The following RAD51B variants were observed in gnomAD, a reference collection of about 807,000 sequenced individuals.
RAD51B encodes RAD51 paralog B.
In RAD51B, 38 loss-of-function variants were observed where a neutral mutation model predicts 42.2. The observed-to-expected ratio is 0.90, with a 90% confidence interval of 0.70 to 1.18. The LOEUF is 1.18. RAD51B is among the 50% of genes most tolerant of loss of function. The pLI is 0.00. For missense variants in RAD51B, 373 were observed against 400.7 expected (o/e 0.93, Z 0.59); for synonymous variants, 154 against 145.2 (o/e 1.06, Z -0.43).
chr14:68,480,573 G>C (rs1189799550), downstream of RAD51B, among the ~76,000 whole-genome samples: 1 of 152,020 alleles, frequency 6.6e-6, no homozygotes, highest in Non-Finnish European at 1.5e-5. Context: ...ATCAAAGTCA[G>C]CTCTCCCAGA....
At chr14:67,963,313 A>C (rs997740243) in intron 7 of RAD51B, among the ~76,000 whole-genome samples, 1 of 152,130 alleles carries the variant, frequency 6.6e-6, no homozygotes, top group South Asian at 2.1e-4. Context: ...ATCTATGTGT[A>C]TATTCCAGTT....
intron 10 of RAD51B, among the ~76,000 whole-genome samples, chr14:68,593,970 G>T (rs758697564): frequency 6.6e-6 from 1 of 152,204 alleles, no homozygotes; most frequent in Non-Finnish European, 1.5e-5. Context: ...ACCCCTCAGC[G>T]GCTTGGGAAA....
intron 8 of RAD51B, among the ~76,000 whole-genome samples, chr14:68,356,433 TCAAA>T (rs1274502409): frequency 6.9e-5 from 3 of 43,222 alleles, no homozygotes; most frequent in African/African-American, 1.1e-4. Flanking sequence ...AGACTCCGTC[TCAAA>T]AAAAAAAAAA....
downstream of RAD51B, among the ~76,000 whole-genome samples, chr14:68,616,056 G>T (rs2140111992): frequency 6.6e-6 from 1 of 152,048 alleles, no homozygotes; most frequent in East Asian, 1.9e-4. Context: ...CTAGACCATT[G>T]ACTTTTAGCT....
intron 7 of RAD51B, among the ~76,000 whole-genome samples, chr14:68,275,794 C>CCACACACACACACACACA (rs10641411): frequency 7.8e-5 from 11 of 141,368 alleles, no homozygotes; most frequent in East Asian, 6.5e-4. Context: ...AACTAGCTCT[C>CCACACACACACACACACA]CACACACACA....
At chr14:68,188,431 C>T (rs2079200139) in intron 7 of RAD51B, among the ~76,000 whole-genome samples, 1 of 149,718 alleles carries the variant, frequency 6.7e-6, no homozygotes, top group Non-Finnish European at 1.5e-5. Flanking sequence ...TCTTTCTCCT[C>T]TTCTTTCTTC....
chr14:68,206,122 A>G (rs971936374), intron 7 of RAD51B, among the ~76,000 whole-genome samples: 25 of 152,164 alleles, frequency 1.6e-4, no homozygotes, highest in Non-Finnish European at 4.4e-5. Context: ...TAAAGAATTT[A>G]AGCCCCCCCT....
At chr14:67,846,921 T>A (rs2041636093) in intron 4 of RAD51B, among the ~76,000 whole-genome samples, 1 of 151,944 alleles carries the variant, frequency 6.6e-6, no homozygotes, top group South Asian at 2.1e-4. Flanking sequence ...CCCTACCACC[T>A]CTCTAAGCAC....
chr14:68,611,003 C>T, intron 10 of RAD51B: 1 of 702,694 alleles, frequency 1.4e-6, no homozygotes, highest in Non-Finnish European at 2.6e-6. Flanking sequence ...TCTCATTTCA[C>T]AGTTGTTAGA....
At chr14:68,679,031 G>C (rs1326037190) in intron 11 of RAD51B, among the ~76,000 whole-genome samples, 2 of 151,918 alleles carry the variant, frequency 1.3e-5, no homozygotes, top group East Asian at 1.9e-4. Flanking sequence ...CTGGCCTAAG[G>C]CCATGCAGAG....
chr14:68,181,563 G>A (rs1335378539), intron 7 of RAD51B, among the ~76,000 whole-genome samples: 1 of 152,180 alleles, frequency 6.6e-6, no homozygotes, highest in Non-Finnish European at 1.5e-5. Flanking sequence ...TTCCTTCTCA[G>A]CCTGCCCCCT....
intron 7 of RAD51B, among the ~76,000 whole-genome samples, chr14:68,235,497 G>A (rs1595585185): frequency 2.6e-5 from 4 of 151,720 alleles, no homozygotes; most frequent in African/African-American, 9.7e-5. Flanking sequence ...GAGGTCAGGA[G>A]ATCGAGACCA....
At chr14:68,356,192 G>A (rs2082893809) in intron 8 of RAD51B, among the ~76,000 whole-genome samples, 2 of 152,136 alleles carry the variant, frequency 1.3e-5, no homozygotes, top group Admixed American at 6.5e-5. Context: ...CAGCACTTTG[G>A]GAGGCCGAGG....
chr14:68,284,771 A>T (rs1481671036), intron 7 of RAD51B, among the ~76,000 whole-genome samples: 4 of 150,628 alleles, frequency 2.7e-5, no homozygotes, highest in African/African-American at 9.8e-5. Flanking sequence ...TTTTTTTTTT[A>T]ATCGTGGAAT....
At chr14:68,054,796 GC>G (rs1451410317) in intron 7 of RAD51B, among the ~76,000 whole-genome samples, 1 of 152,174 alleles carries the variant, frequency 6.6e-6, no homozygotes, top group Non-Finnish European at 1.5e-5. Flanking sequence ...GGAAGCATAG[GC>G]AAGACAACCT....
At chr14:68,667,124 G>C (rs949893990) in intron 11 of RAD51B, among the ~76,000 whole-genome samples, 2 of 152,248 alleles carry the variant, frequency 1.3e-5, no homozygotes, top group African/African-American at 4.8e-5. Flanking sequence ...AGACGAGATG[G>C]AGAGAGATGG....
intron 10 of RAD51B, among the ~76,000 whole-genome samples, chr14:68,533,727 A>G (rs76242748): frequency 6.6e-6 from 1 of 151,746 alleles, no homozygotes; most frequent in Non-Finnish European, 1.5e-5. Flanking sequence ...TTTACTATGG[A>G]AAAAAAAATG....
Position 68,565,612 on chromosome 14 carries a change from C to T in RAD51B, c.1037-28873C>T, listed in dbSNP as rs1889382331. Among the ~76,000 whole-genome samples the T allele has an allele frequency of 6.6e-6, 1 of 152,170 alleles. No homozygotes were observed. Among genetic ancestry groups the T allele is most frequent in the Non-Finnish European group, 1.5e-5 (1 of 68,036 alleles). ...AAGAAGTATAGCCAGATTTCAATACCAGGGAGAGCAGGCAGAGAAAGAGAG... is the reference window on the plus strand; with the variant it reads ...AAGAAGTATAGCCAGATTTCAATACTAGGGAGAGCAGGCAGAGAAAGAGAG... On this transcript the variant is annotated intron_variant, in intron 10 of 10. Coordinates refer to the RAD51B transcript ENST00000487270. The surrounding 1 kb of genome is among the most constrained non-coding windows in gnomAD (Gnocchi z 4.1).
At chr14:68,181,381 C>G (rs1016382249) in intron 7 of RAD51B, among the ~76,000 whole-genome samples, 1 of 152,178 alleles carries the variant, frequency 6.6e-6, no homozygotes, top group Admixed American at 6.5e-5. Context: ...CACTAATGCA[C>G]CCCAGGTGTG....
Sources: gnomAD v4.1 joint callset for allele counts (sites outside exome capture counted in the v4.1 genomes callset) on GRCh38, gnomAD v4.1.1 for gene constraint, Gnocchi (gnomAD v3.1) non-coding constraint, MANE v1.5 for transcripts, NCBI Gene and HGNC (gene_info 2026-07-23, HGNC 2026-07-21) for gene names.